ERC2: variants seen among roughly 807,000 people sequenced by gnomAD.
The protein encoded by ERC2 is ERC protein 2.
Under a neutral mutation model 114.8 loss-of-function variants are expected in ERC2, and 42 were observed. That is an observed-to-expected ratio of 0.37 (90% CI 0.29 to 0.47). The LOEUF (loss-of-function observed/expected upper bound fraction) is 0.47, where lower values mean the gene tolerates loss of function less well. Among genes scored for constraint, ERC2 ranks in the 20% least tolerant of loss-of-function variants. The pLI is 0.99. For synonymous variants in ERC2, 454 were observed against 425.5 expected (o/e 1.07, Z -0.82); for missense variants, 939 against 1,150.7 (o/e 0.82, Z 2.66).
intron 14 of ERC2, among the ~76,000 whole-genome samples, chr3:55,859,613 G>T (rs899358779): frequency 6.6e-6 from 1 of 151,906 alleles, no homozygotes; most frequent in African/African-American, 2.4e-5. Context: ...GTATCATCTT[G>T]CTTGGCTGGA....
chr3:56,049,838 G>A (rs1433664176), intron 7 of ERC2, among the ~76,000 whole-genome samples: 3 of 151,104 alleles, frequency 2.0e-5, no homozygotes, highest in Non-Finnish European at 4.4e-5. Context: ...GTGTGTGTGT[G>A]TGTGTGTGTG....
At chr3:56,011,634 CACAT>C (rs61701380) in intron 8 of ERC2, among the ~76,000 whole-genome samples, 160 of 151,902 alleles carry the variant, frequency 1.1e-3, no homozygotes, top group African/African-American at 3.8e-3. Context: ...CACACACACA[CACAT>C]GCACACGAAA....
chr3:56,289,003 A>C (rs994684569), intron 3 of ERC2, among the ~76,000 whole-genome samples: 106 of 152,290 alleles, frequency 7.0e-4, no homozygotes, highest in African/African-American at 2.4e-3. Flanking sequence ...TGAAAAAAAT[A>C]AATAAAACTG....
intron 6 of ERC2, among the ~76,000 whole-genome samples, chr3:56,095,463 G>A (rs17825183): frequency 0.13 from 20,135 of 152,166 alleles, 1,436 homozygotes; most frequent in East Asian, 0.16. Context: ...AAAATGCAGC[G>A]TGTATTCCAG....
intron 14 of ERC2, among the ~76,000 whole-genome samples, chr3:55,765,876 ATTC>A (rs1228871206): frequency 6.6e-6 from 1 of 152,200 alleles, no homozygotes; most frequent in Non-Finnish European, 1.5e-5. Context: ...TGTCTGTTTT[ATTC>A]TTCTTCAGTC....
intron 14 of ERC2, among the ~76,000 whole-genome samples, chr3:55,884,807 G>C (rs1451619513): frequency 6.6e-6 from 1 of 152,028 alleles, no homozygotes. Flanking sequence ...GAATTTAACA[G>C]ATACCACCTC....
At chr3:55,633,173 A>G (rs2059824208) in intron 17 of ERC2, among the ~76,000 whole-genome samples, 1 of 152,234 alleles carries the variant, frequency 6.6e-6, no homozygotes, top group Admixed American at 6.5e-5. Context: ...ATATTTGCTG[A>G]AAAGATGCAA....
intron 6 of ERC2, among the ~76,000 whole-genome samples, chr3:56,120,489 G>A (rs1225570862): frequency 6.6e-6 from 1 of 152,188 alleles, no homozygotes; most frequent in Non-Finnish European, 1.5e-5. Flanking sequence ...GAGAGAGATT[G>A]TAGTGTTGAG....
chr3:55,838,215 T>A (rs1207602535), intron 14 of ERC2, among the ~76,000 whole-genome samples: 1 of 152,054 alleles, frequency 6.6e-6, no homozygotes, highest in Non-Finnish European at 1.5e-5. Flanking sequence ...TTGACTTAAT[T>A]GACATTTTAG....
chr3:56,163,841 A>G (rs1013484313), intron 4 of ERC2, among the ~76,000 whole-genome samples: 7 of 152,040 alleles, frequency 4.6e-5, no homozygotes, highest in Admixed American at 2.6e-4. Context: ...GTGCCTTTTA[A>G]GTGGGGCATT....
At chr3:56,452,920 C>G (rs562461549) in intron 1 of ERC2, among the ~76,000 whole-genome samples, 3 of 152,174 alleles carry the variant, frequency 2.0e-5, no homozygotes, top group African/African-American at 7.2e-5. Context: ...TCAATATTGA[C>G]CACAGGCTCA....
chr3:56,054,753 GA>G (rs2075931342), intron 7 of ERC2, among the ~76,000 whole-genome samples: 1 of 152,172 alleles, frequency 6.6e-6, no homozygotes, highest in African/African-American at 2.4e-5. Flanking sequence ...ATCTCTTTTA[GA>G]AAGGCATTTA....
At chr3:55,723,292 T>G (rs942476830) in intron 15 of ERC2, among the ~76,000 whole-genome samples, 6 of 152,212 alleles carry the variant, frequency 3.9e-5, no homozygotes, top group African/African-American at 1.4e-4. Flanking sequence ...CAGTTATTTC[T>G]GAGTAGTGGG....
chr3:56,023,767 A>AAAGGAAAGAAGGAAGGAAGGAAGG (rs768746262), intron 7 of ERC2, among the ~76,000 whole-genome samples: 1 of 49,582 alleles, frequency 2.0e-5, no homozygotes, highest in African/African-American at 5.1e-5. Context: ...ATGAATGAAA[A>AAAGGAAAGAAGGAAGGAAGGAAGG]AAGGAATGAA....
intron 14 of ERC2, among the ~76,000 whole-genome samples, chr3:55,802,124 T>C (rs1440523361): frequency 6.6e-6 from 1 of 152,252 alleles, no homozygotes; most frequent in Non-Finnish European, 1.5e-5. Context: ...ATGGATTTTG[T>C]ACTGAATATC....
intron 17 of ERC2, among the ~76,000 whole-genome samples, chr3:55,635,873 T>C (rs2059938866): frequency 6.6e-6 from 1 of 151,854 alleles, no homozygotes; most frequent in Admixed American, 6.6e-5. Context: ...TTTTATTTTA[T>C]TTTATTTTAT....
At position 56,032,971 on chromosome 3, in the gene ERC2, AAGAAAG is replaced by A. The variant is rs776662146; in HGVS notation, c.1642-13946_1642-13941del. Among the ~76,000 whole-genome samples the A allele has an allele frequency of 2.1e-4, 18 of 85,702 alleles. 1 individual carries two copies. The highest frequency in any genetic ancestry group is 4.4e-4 in the Admixed American group (4 of 9,032). 56.2% of individuals were successfully genotyped at this position (85,702 alleles called of 152,430 possible). On this transcript the variant is annotated intron_variant, in intron 7 of 17. Transcript: ENST00000288221. ...AGAAAGAAAGAAACAGAAAGAAAGA[AAGAAAG>A]AGAAAGAAAGAAAGAAAGAAAGAAA...
intron 7 of ERC2, among the ~76,000 whole-genome samples, chr3:56,038,555 C>T (rs1445681631): frequency 3.3e-5 from 5 of 152,146 alleles, no homozygotes; most frequent in Non-Finnish European, 7.3e-5. Flanking sequence ...ACCAGAAATA[C>T]CATTTGACCC....
chr3:56,181,939 T>C (rs984294272), intron 3 of ERC2, among the ~76,000 whole-genome samples: 34 of 152,208 alleles, frequency 2.2e-4, no homozygotes, highest in African/African-American at 8.0e-4. Flanking sequence ...TTCAGATGAC[T>C]GCAGCCCTGT....
Sources: gnomAD v4.1 joint callset for allele counts (sites outside exome capture counted in the v4.1 genomes callset) on GRCh38, gnomAD v4.1.1 for gene constraint, MANE v1.5 for transcripts, NCBI Gene and HGNC (gene_info 2026-07-23, HGNC 2026-07-21) for gene names.